ENOX1: variants seen among roughly 807,000 people sequenced by gnomAD.
ENOX1 encodes the protein ecto-NOX disulfide-thiol exchanger 1.
A neutral mutation model predicts 82.5 loss-of-function variants in ENOX1; 42 were observed. The observed-to-expected ratio is 0.51, with a 90% CI of 0.40 to 0.66. The LOEUF is 0.66. Among genes scored for constraint, ENOX1 ranks in the 30% least tolerant of loss-of-function variants. ENOX1 has a pLI of 0.00. For synonymous variants in ENOX1, 271 were observed against 282.2 expected (o/e 0.96, Z 0.40); for missense variants, 608 against 811.6 (o/e 0.75, Z 3.05).
intron 12 of ENOX1, among the ~76,000 whole-genome samples, chr13:43,279,530 T>C (rs1386072644): frequency 2.0e-5 from 3 of 152,230 alleles, no homozygotes; most frequent in East Asian, 3.8e-4. Flanking sequence ...TTTTCTCTTC[T>C]ACAGATGATT....
At chr13:43,247,844 TATATATATATATATATATATA>T (rs2043167580) in intron 14 of ENOX1, among the ~76,000 whole-genome samples, 2 of 5,114 alleles carry the variant, frequency 3.9e-4, no homozygotes, top group Non-Finnish European at 5.3e-4. Context: ...TATATATATA[TATATATATATATATATATATA>T]TATATATATA....
intron 3 of ENOX1, among the ~76,000 whole-genome samples, chr13:43,434,943 T>G (rs1159135577): frequency 0.28 from 32,289 of 116,972 alleles, 2,238 homozygotes; most frequent in Non-Finnish European, 0.35. Context: ...TGTGGTTTTT[T>G]TTTTTTTTTT....
intron 5 of ENOX1, among the ~76,000 whole-genome samples, chr13:43,366,939 A>T (rs1312503945): frequency 2.6e-5 from 4 of 152,248 alleles, no homozygotes; most frequent in Non-Finnish European, 2.9e-5. Context: ...AGCATTAATA[A>T]ACATTAATAT....
intron 2 of ENOX1, among the ~76,000 whole-genome samples, chr13:43,640,885 C>T (rs534426131): frequency 1.1e-3 from 139 of 130,152 alleles, no homozygotes; most frequent in African/African-American, 4.1e-3. Flanking sequence ...CACACACGCG[C>T]ACACACACAC....
intron 5 of ENOX1, among the ~76,000 whole-genome samples, chr13:43,410,956 G>A (rs2054092958): frequency 6.6e-6 from 1 of 152,236 alleles, no homozygotes; most frequent in East Asian, 1.9e-4. Context: ...TTTACTGCGG[G>A]AGCCCCTGCA....
intron 5 of ENOX1, among the ~76,000 whole-genome samples, chr13:43,387,354 T>C (rs2153579415): frequency 6.6e-6 from 1 of 151,916 alleles, no homozygotes; most frequent in Non-Finnish European, 1.5e-5. Flanking sequence ...TGGCCTGTGG[T>C]GGGAAGATAT....
At chr13:43,707,757 C>CAAAAAAAAAAAAAAAAA (rs1566805007) in intron 1 of ENOX1, among the ~76,000 whole-genome samples, 1 of 42,952 alleles carries the variant, frequency 2.3e-5, no homozygotes, top group Non-Finnish European at 4.6e-5. Flanking sequence ...AAAAAAAAAA[C>CAAAAAAAAAAAAAAAAA]CAAGAACAAA....
At chr13:43,535,409 T>C (rs758311740) in intron 2 of ENOX1, among the ~76,000 whole-genome samples, 1 of 152,204 alleles carries the variant, frequency 6.6e-6, no homozygotes, top group East Asian at 1.9e-4. Flanking sequence ...GCCTCTAGCA[T>C]CCCAGGAAGC....
chr13:43,648,200 C>T (rs571293046), intron 2 of ENOX1, among the ~76,000 whole-genome samples: 1 of 152,338 alleles, frequency 6.6e-6, no homozygotes, highest in Non-Finnish European at 1.5e-5. Flanking sequence ...AGTACTGGGA[C>T]TATTCTGTAG....
At chr13:43,704,398 A>G (rs1407574137) in intron 1 of ENOX1, among the ~76,000 whole-genome samples, 1 of 152,132 alleles carries the variant, frequency 6.6e-6, no homozygotes, top group African/African-American at 2.4e-5. Context: ...GCTCCACACA[A>G]AACATAAAAA....
At chr13:43,770,206 T>C (rs1297588048) in intron 1 of ENOX1, among the ~76,000 whole-genome samples, 1 of 152,200 alleles carries the variant, frequency 6.6e-6, no homozygotes, top group Non-Finnish European at 1.5e-5. Context: ...TTCATGAAGT[T>C]TGGACGAAGT....
intron 3 of ENOX1, among the ~76,000 whole-genome samples, chr13:43,418,486 C>T (rs1217205531): frequency 6.6e-6 from 1 of 152,040 alleles, no homozygotes; most frequent in African/African-American, 2.4e-5. Flanking sequence ...TGAGATTGTG[C>T]CACTGCACTC....
intron 5 of ENOX1, among the ~76,000 whole-genome samples, chr13:43,387,529 C>T (rs1392381295): frequency 1.3e-5 from 2 of 152,060 alleles, no homozygotes; most frequent in Non-Finnish European, 2.9e-5. Flanking sequence ...CAAGGGCCTC[C>T]TCATCCCCAC....
chr13:43,589,216 GAAAAAAAAAAAAAA>G (rs58912569), intron 2 of ENOX1, among the ~76,000 whole-genome samples: 127 of 79,770 alleles, frequency 1.6e-3, no homozygotes, highest in African/African-American at 5.2e-3. Context: ...GACATTAATG[GAAAAAAAAAAAAAA>G]AAAAAAAAAG....
chr13:43,384,012 T>A (rs2052245801), intron 5 of ENOX1, among the ~76,000 whole-genome samples: 1 of 152,246 alleles, frequency 6.6e-6, no homozygotes, highest in Non-Finnish European at 1.5e-5. Flanking sequence ...GAAGCCGGAC[T>A]GCCTGTGTTC....
rs565666552 is a variant in ENOX1, at chr13:43,465,632, C to G, written c.-75+18377G>C. 2.0e-5 allele frequency among the ~76,000 whole-genome samples: 3 copies of G among 152,176 alleles called. No homozygotes were observed. In the East Asian group the frequency reaches 5.8e-4, roughly 29 times the overall value. ...TATCACTGCTCCCAGGCCCCCTCAG[C>G]AGAAAGAGCCAAGAAGTATAAATAC... On this transcript the variant is annotated intron_variant, in intron 3 of 16. Transcript: ENST00000690772.
intron 2 of ENOX1, among the ~76,000 whole-genome samples, chr13:43,646,615 C>T (rs555905802): frequency 2.6e-5 from 4 of 152,280 alleles, no homozygotes; most frequent in Non-Finnish European, 5.9e-5. Context: ...CCTTCTCATG[C>T]GCTGATTGAT....
intron 11 of ENOX1, among the ~76,000 whole-genome samples, chr13:43,307,415 C>T (rs575734347): frequency 1.3e-5 from 2 of 152,306 alleles, no homozygotes; most frequent in East Asian, 3.9e-4. Flanking sequence ...TGCCTTTCAG[C>T]AAGTTTCTAG....
At chr13:43,324,385 A>T (rs1286984527) in intron 10 of ENOX1, among the ~76,000 whole-genome samples, 1 of 152,212 alleles carries the variant, frequency 6.6e-6, no homozygotes, top group Admixed American at 6.5e-5. Flanking sequence ...GGGTGTTTCC[A>T]CAGGGTGCCT....
Sources: allele counts gnomAD v4.1 joint callset (sites outside exome capture counted in the v4.1 genomes callset), GRCh38; gene constraint gnomAD v4.1.1; transcripts MANE v1.5; gene names NCBI Gene and HGNC (gene_info 2026-07-23, HGNC 2026-07-21).